The following SRPK2 variants were observed in gnomAD, a reference collection of about 807,000 sequenced individuals.
SRPK2 encodes the protein SRSF protein kinase 2.
SRPK2 carries 21 observed loss-of-function variants against 90.8 expected under a neutral mutation model. The ratio of observed to expected loss-of-function variants is 0.23; its 90% confidence interval spans 0.16 to 0.33. The LOEUF (loss-of-function observed/expected upper bound fraction) is 0.33. SRPK2 is among the 10% of genes least tolerant of loss of function. The pLI is 1.00. For missense variants in SRPK2, 620 were observed against 869.0 expected (o/e 0.71, Z 3.60); for synonymous variants, 288 against 311.1 (o/e 0.93, Z 0.78).
intron 2 of SRPK2, among the ~76,000 whole-genome samples, chr7:105,236,397 T>C (rs1252567973): frequency 6.6e-6 from 1 of 152,174 alleles, no homozygotes; most frequent in African/African-American, 2.4e-5. Flanking sequence ...CAGTATATCA[T>C]AGTTTAATTA....
intron 2 of SRPK2, among the ~76,000 whole-genome samples, chr7:105,322,670 A>G (rs918441394): frequency 2.0e-5 from 3 of 152,206 alleles, no homozygotes; most frequent in Non-Finnish European, 4.4e-5. Context: ...GCTGCACAGC[A>G]TTGCAAATGT....
At chr7:105,259,667 G>A (rs1803910712) in intron 2 of SRPK2, among the ~76,000 whole-genome samples, 1 of 152,154 alleles carries the variant, frequency 6.6e-6, no homozygotes, top group Non-Finnish European at 1.5e-5. Context: ...AAAACAGCAT[G>A]GTACTGGTAC....
chr7:105,176,589 ATGTGTGTG>A (rs373147650), intron 3 of SRPK2, among the ~76,000 whole-genome samples: 3 of 107,042 alleles, frequency 2.8e-5, no homozygotes, highest in African/African-American at 8.6e-5. Context: ...GTATGTATAT[ATGTGTGTG>A]TGTGTGTGTG....
At chr7:105,283,109 C>G (rs940588051) in intron 2 of SRPK2, among the ~76,000 whole-genome samples, 11 of 152,162 alleles carry the variant, frequency 7.2e-5, no homozygotes, top group Admixed American at 5.9e-4. Flanking sequence ...CACTTCACAA[C>G]CAAGAGGGCT....
intron 13 of SRPK2, among the ~76,000 whole-genome samples, chr7:105,127,333 G>C (rs1296987846): frequency 1.3e-5 from 2 of 152,214 alleles, no homozygotes; most frequent in Non-Finnish European, 1.5e-5. Flanking sequence ...AGCCGCACCT[G>C]CATGCAGGCC....
At chr7:105,166,615 A>G (rs1003640080) in intron 6 of SRPK2, among the ~76,000 whole-genome samples, 3 of 152,214 alleles carry the variant, frequency 2.0e-5, no homozygotes, top group African/African-American at 7.2e-5. Flanking sequence ...TATATGTTTG[A>G]AATTTCTCCC....
At chr7:105,170,975 A>AAGAAAG (rs1791012724) in intron 3 of SRPK2, among the ~76,000 whole-genome samples, 1 of 56,274 alleles carries the variant, frequency 1.8e-5, no homozygotes, top group African/African-American at 8.1e-5. Flanking sequence ...AAGAGAAAGA[A>AAGAAAG]AGAGAAAGAA....
At chr7:105,198,531 T>C (rs772739914) in intron 3 of SRPK2, among the ~76,000 whole-genome samples, 3 of 152,088 alleles carry the variant, frequency 2.0e-5, no homozygotes, top group East Asian at 1.9e-4. Flanking sequence ...GTAAAAAAGA[T>C]AGGCAGTGCT....
intron 2 of SRPK2, among the ~76,000 whole-genome samples, chr7:105,226,928 C>T (rs999146759): frequency 6.6e-6 from 1 of 152,094 alleles, no homozygotes; most frequent in Admixed American, 6.5e-5. Flanking sequence ...GGTGACAGAG[C>T]AAGACTCTGT....
intron 15 of SRPK2, among the ~76,000 whole-genome samples, chr7:105,121,076 G>A (rs913437212): frequency 2.0e-5 from 3 of 152,178 alleles, no homozygotes; most frequent in Non-Finnish European, 4.4e-5. Context: ...GGCCGGGCAC[G>A]GTGGCTCATG....
At chr7:105,149,327 A>C (rs915498500) in intron 7 of SRPK2, among the ~76,000 whole-genome samples, 4 of 152,184 alleles carry the variant, frequency 2.6e-5, no homozygotes, top group African/African-American at 9.7e-5. Flanking sequence ...AGAGAAACAT[A>C]AATCTGGTGT....
chr7:105,373,733 A>C (rs979903676), intron 2 of SRPK2, among the ~76,000 whole-genome samples: 2 of 151,888 alleles, frequency 1.3e-5, no homozygotes, highest in Non-Finnish European at 2.9e-5. Flanking sequence ...TTTCAGACCA[A>C]GCCCTCTTCT....
chr7:105,354,093 G>C (rs1012233183), intron 2 of SRPK2, among the ~76,000 whole-genome samples: 1 of 152,228 alleles, frequency 6.6e-6, no homozygotes, highest in Non-Finnish European at 1.5e-5. Flanking sequence ...GGAGCAGCCA[G>C]TATGTATGTG....
intron 2 of SRPK2, among the ~76,000 whole-genome samples, chr7:105,335,583 G>A (rs1317340371): frequency 2.0e-5 from 3 of 151,274 alleles, no homozygotes; most frequent in Non-Finnish European, 2.9e-5. Flanking sequence ...ACTGAGCCCA[G>A]GAGGTGGAGG....
Position 105,220,408 on chromosome 7 carries a change from C to A in SRPK2, c.72-16623G>T, listed in dbSNP as rs559461394. On this transcript the variant is annotated intron_variant, in intron 2 of 15. Coordinates refer to ENST00000393651, the MANE Select transcript of SRPK2 (RefSeq NM_182692.3). ...TGGGCGTGGTGGCGCACACCTGTATCCCAGTTACTCAGGAAGCTGAGGCAG... is the reference window on the plus strand; with the variant it reads ...TGGGCGTGGTGGCGCACACCTGTATACCAGTTACTCAGGAAGCTGAGGCAG... Among the ~76,000 whole-genome samples the A allele has an allele frequency of 4.7e-4, 72 of 152,172 alleles. 1 individual carries two copies. Among genetic ancestry groups the A allele is most frequent in the Middle Eastern group, 6.8e-3 (2 of 294 alleles).
intron 2 of SRPK2, among the ~76,000 whole-genome samples, chr7:105,360,774 C>G (rs1818337709): frequency 2.0e-5 from 3 of 152,136 alleles, no homozygotes; most frequent in Admixed American, 2.0e-4. Flanking sequence ...GGTAACCCGA[C>G]AGGCCTTCAT....
chr7:105,269,160 T>C (rs1418576650), intron 2 of SRPK2: 3 of 960,702 alleles, frequency 3.1e-6, no homozygotes, highest in Non-Finnish European at 3.8e-6. Context: ...TACAAGATGA[T>C]TTTCAATTTA....
chr7:105,299,216 G>A (rs908106551), intron 2 of SRPK2, among the ~76,000 whole-genome samples: 1 of 152,178 alleles, frequency 6.6e-6, no homozygotes, highest in African/African-American at 2.4e-5. Context: ...TCTGAAGACT[G>A]GGAAGTTATC....
chr7:105,115,942 A>G (rs978642935), downstream of SRPK2, among the ~76,000 whole-genome samples: 5 of 152,170 alleles, frequency 3.3e-5, no homozygotes, highest in African/African-American at 1.2e-4. Flanking sequence ...TTACATGGAA[A>G]CCTACAGCCT....
Sources: gnomAD v4.1 joint callset for allele counts (sites outside exome capture counted in the v4.1 genomes callset) on GRCh38, gnomAD v4.1.1 for gene constraint, MANE v1.5 for transcripts, NCBI Gene and HGNC (gene_info 2026-07-23, HGNC 2026-07-21) for gene names.